Variants in PDE1C observed in about 807,000 individuals in gnomAD.
PDE1C encodes phosphodiesterase 1C, also known as dual specificity calcium/calmodulin-dependent 3',5'-cyclic nucleotide phosphodiesterase 1C.
PDE1C carries 62 observed loss-of-function variants against 93.1 expected under a neutral mutation model. The ratio of observed to expected loss-of-function variants is 0.67; its 90% CI spans 0.54 to 0.82. PDE1C has a LOEUF of 0.82. Ranked by LOEUF, PDE1C falls within the 40% of genes least tolerant of loss-of-function variation. PDE1C has a pLI of 0.00. For synonymous variants in PDE1C, 325 were observed against 310.1 expected (o/e 1.05, Z -0.50); for missense variants, 742 against 884.6 (o/e 0.84, Z 2.04).
chr7:32,301,191 C>T (rs1293872347), upstream of PDE1C, among the ~76,000 whole-genome samples: 1 of 152,088 alleles, frequency 6.6e-6, no homozygotes, highest in African/African-American at 2.4e-5. Context: ...TATAGTTCCC[C>T]TTTCCCTGTA....
intron 11 of PDE1C, among the ~76,000 whole-genome samples, chr7:31,835,238 T>C (rs774336981): frequency 9.9e-5 from 15 of 152,148 alleles, no homozygotes; most frequent in Non-Finnish European, 1.3e-4. Flanking sequence ...TACAGGGTGA[T>C]ATTGCAAAAG....
At chr7:31,966,285 CA>C (rs1809945582) in intron 2 of PDE1C, among the ~76,000 whole-genome samples, 1 of 151,466 alleles carries the variant, frequency 6.6e-6, no homozygotes, top group Non-Finnish European at 1.5e-5. Flanking sequence ...AAATGGAAAA[CA>C]AAAAAAGGCA....
chr7:32,072,309 T>C (rs1796110818), upstream of PDE1C, among the ~76,000 whole-genome samples: 1 of 152,220 alleles, frequency 6.6e-6, no homozygotes, highest in African/African-American at 2.4e-5. Flanking sequence ...AGTCGCCCCA[T>C]TAAAGGCAGC....
At chr7:32,145,512 G>GT (rs1008648600) in intron 3 of PDE1C, among the ~76,000 whole-genome samples, 7 of 152,062 alleles carry the variant, frequency 4.6e-5, no homozygotes, top group Non-Finnish European at 1.0e-4. Flanking sequence ...TCAAATGAGT[G>GT]TTTTTTCACA....
chr7:31,642,132 C>A, the PDE1C span: 11 of 1,418,594 alleles, frequency 7.8e-6, no homozygotes, highest in African/African-American at 1.1e-4. Flanking sequence ...CTGCTGGCTG[C>A]GTGTTTTCCC....
At chr7:31,893,813 C>T (rs941785746) in intron 2 of PDE1C, among the ~76,000 whole-genome samples, 2 of 152,122 alleles carry the variant, frequency 1.3e-5, no homozygotes, top group Admixed American at 6.5e-5. Flanking sequence ...TCATTGTTCA[C>T]GGTGGTAATC....
intron 1 of PDE1C, among the ~76,000 whole-genome samples, chr7:32,219,594 G>T (rs956215470): frequency 2.0e-5 from 3 of 152,194 alleles, no homozygotes; most frequent in Non-Finnish European, 2.9e-5. Context: ...TGACTTGGAT[G>T]TGAATTCTTC....
intron 3 of PDE1C, among the ~76,000 whole-genome samples, chr7:32,107,256 G>A (rs546670293): frequency 1.4e-5 from 2 of 139,020 alleles, no homozygotes; most frequent in East Asian, 4.0e-4. Flanking sequence ...AAGAGACAAA[G>A]AGAGACAGGT....
chr7:31,680,031 C>G, the PDE1C span, among the ~76,000 whole-genome samples: 1 of 152,200 alleles, frequency 6.6e-6, no homozygotes, highest in Non-Finnish European at 1.5e-5. Flanking sequence ...CAGAGAGTGT[C>G]CGGATGCACC....
chr7:32,147,615 T>C (rs1385235435), intron 3 of PDE1C, among the ~76,000 whole-genome samples: 1 of 152,166 alleles, frequency 6.6e-6, no homozygotes, highest in Non-Finnish European at 1.5e-5. Flanking sequence ...AGGTTCTCAG[T>C]TGGGTCACTA....
rs74518056 is a variant in PDE1C, at chr7:31,878,839, T to C, written c.425+157A>G. ...GATGCTACAGAGATTAAAATAGATA[T>C]GTTTTTGCCATTTCTCATTCAAGAC... On this transcript the variant is annotated intron_variant, in intron 4 of 17. Transcript: ENST00000396191. Among the ~76,000 whole-genome samples the C allele has an allele frequency of 0.015, 2,248 of 152,320 alleles. 51 individuals carry two copies. The highest frequency in any genetic ancestry group is 0.051 in the African/African-American group (2,135 of 41,560).
the PDE1C span, among the ~76,000 whole-genome samples, chr7:31,735,037 C>T: frequency 6.0e-3 from 916 of 152,258 alleles, 8 homozygotes; most frequent in African/African-American, 0.021. Flanking sequence ...CCTCCCGCCC[C>T]ACCCAAATCA....
chr7:32,022,354 C>T (rs2214782), intron 2 of PDE1C, among the ~76,000 whole-genome samples: 22,894 of 151,870 alleles, frequency 0.15, 2,465 homozygotes, highest in East Asian at 0.32. Flanking sequence ...TGGAGGAAAT[C>T]CGAAGAGAGG....
chr7:31,922,096 T>C (rs1466718379), intron 2 of PDE1C, among the ~76,000 whole-genome samples: 1 of 152,174 alleles, frequency 6.6e-6, no homozygotes, highest in Non-Finnish European at 1.5e-5. Context: ...TTATACTATC[T>C]CTGTAAGCTT....
At chr7:31,720,679 A>G in the PDE1C span, among the ~76,000 whole-genome samples, 32 of 152,240 alleles carry the variant, frequency 2.1e-4, no homozygotes, top group Non-Finnish European at 3.5e-4. Context: ...TCTTGAACAA[A>G]TGCACATTCA....
At chr7:31,875,474 C>A (rs1250674580) in intron 5 of PDE1C, among the ~76,000 whole-genome samples, 3 of 152,034 alleles carry the variant, frequency 2.0e-5, no homozygotes, top group African/African-American at 7.3e-5. Flanking sequence ...GTGGGGACTC[C>A]AGAGAATCCT....
chr7:32,338,534 G>C (rs1033264067), intron 1 of PDE1C, among the ~76,000 whole-genome samples: 1 of 152,082 alleles, frequency 6.6e-6, no homozygotes, highest in African/African-American at 2.4e-5. Flanking sequence ...GTATATTCTT[G>C]GTAGGAAGGT....
chr7:31,875,175 C>A (rs1796390193), intron 5 of PDE1C, among the ~76,000 whole-genome samples: 1 of 152,168 alleles, frequency 6.6e-6, no homozygotes, highest in Non-Finnish European at 1.5e-5. Context: ...AGGAAAAAGT[C>A]ACTGACAACT....
At chr7:31,748,279 C>T (rs78155518), downstream of PDE1C, among the ~76,000 whole-genome samples, 2,661 of 143,570 alleles carry the variant, frequency 0.019, 76 homozygotes, top group African/African-American at 0.063. Context: ...ACCTTTGTGT[C>T]TTACAAAAGT....
Sources: allele counts gnomAD v4.1 joint callset (sites outside exome capture counted in the v4.1 genomes callset), GRCh38; gene constraint gnomAD v4.1.1; transcripts MANE v1.5; gene names NCBI Gene and HGNC (gene_info 2026-07-23, HGNC 2026-07-21).